The following PRRC2B variants were observed in gnomAD, a reference collection of about 807,000 sequenced individuals.
PRRC2B encodes protein PRRC2B.
Under a neutral mutation model 242.3 loss-of-function variants are expected in PRRC2B, and 68 were observed. That is an observed-to-expected ratio of 0.28 (90% CI 0.23 to 0.34). PRRC2B has a LOEUF of 0.34. PRRC2B is among the 10% of genes least tolerant of loss of function. The pLI is 1.00. For synonymous variants in PRRC2B, 1,228 were observed against 1,173.6 expected (o/e 1.05, Z -0.95); for missense variants, 2,835 against 2,954.8 (o/e 0.96, Z 0.94).
At position 131,448,543 on chromosome 9, in the gene PRRC2B, C is replaced by CAAAAA. The variant is rs754661321; in HGVS notation, c.1120+762_1120+766dup. ...TGGGCGACAGAGGGAGACACTGTCT[C>CAAAAA]AAAAAAAAAAAAAAAAAAAAAAAAA... is the stretch of plus-strand genomic sequence containing the variant. On this transcript the variant is annotated intron_variant, in intron 9 of 31. Transcript: ENST00000683519. Among the ~76,000 whole-genome samples, 250 of 39,884 alleles carry CAAAAA rather than the reference C, an allele frequency of 6.3e-3. 61 individuals are homozygous for CAAAAA. The highest frequency in any genetic ancestry group is 0.011 in the South Asian group (10 of 930). 26.2% of individuals were successfully genotyped at this position (39,884 alleles called of 152,430 possible). A position where few individuals can be genotyped will look rare whatever the true frequency, so the allele number is the denominator to read the frequency against.
intron 1 of PRRC2B, among the ~76,000 whole-genome samples, chr9:131,420,593 G>A (rs1422468085): frequency 6.8e-6 from 1 of 146,000 alleles, no homozygotes; most frequent in African/African-American, 2.5e-5. Context: ...TTGGGTTCAA[G>A]TGAGTCCTGT....
At chr9:131,411,237 A>C (rs1837497607) in intron 1 of PRRC2B, among the ~76,000 whole-genome samples, 1 of 151,830 alleles carries the variant, frequency 6.6e-6, no homozygotes, top group South Asian at 2.1e-4. Context: ...AGCCTGGGTG[A>C]CAGAGCGAGA....
intron 19 of PRRC2B, among the ~76,000 whole-genome samples, chr9:131,480,963 G>A (rs553228688): frequency 6.6e-5 from 10 of 151,766 alleles, no homozygotes; most frequent in Admixed American, 6.6e-4. Context: ...TTGAGATCAG[G>A]AGTTCAAGAC....
In PRRC2B at chr9:131,453,797, G is replaced by A. The variant is rs148568689; in HGVS notation, c.1121-1279G>A. On this transcript the variant is annotated intron_variant, in intron 9 of 31. Transcript: ENST00000683519. ...TCCTCCTGCCTTGACCTCCCAAAGC[G>A]CTGGGATTACAGGCGTGAGCCACTG... Among the ~76,000 whole-genome samples, 1,212 of 152,246 alleles carry A rather than the reference G, an allele frequency of 8.0e-3. 17 individuals carry two copies. The highest frequency in any genetic ancestry group is 0.012 in the Non-Finnish European group (812 of 68,028).
At chr9:131,447,316 A>G in intron 8 of PRRC2B, 110 bp downstream of exon 8, 1 of 1,376,296 alleles carries the variant, frequency 7.3e-7, no homozygotes, top group African/African-American at 1.4e-5. Context: ...GACCACAGAG[A>G]ACTTAACCAG....
chr9:131,443,209 C>G (rs1377253994), intron 5 of PRRC2B, among the ~76,000 whole-genome samples: 2 of 151,592 alleles, frequency 1.3e-5, no homozygotes, highest in Non-Finnish European at 2.9e-5. Flanking sequence ...TCTCGGCTCA[C>G]TGCAAGCTCC....
chr9:131,428,959 G>A (rs941735685), intron 1 of PRRC2B, among the ~76,000 whole-genome samples: 3 of 152,148 alleles, frequency 2.0e-5, no homozygotes, highest in African/African-American at 7.2e-5. Flanking sequence ...ATTTGTTTTT[G>A]TTGTGTTTTT....
intron 1 of PRRC2B, among the ~76,000 whole-genome samples, chr9:131,407,338 A>C (rs1837392887): frequency 6.6e-6 from 1 of 151,860 alleles, no homozygotes; most frequent in South Asian, 2.1e-4. Flanking sequence ...GAGAGTTGTG[A>C]GTATAGAGTT....
rs71503103 is a variant in PRRC2B at position 131,448,644 on chromosome 9, C to T, written c.1120+840C>T. ...TGTTTGCAGGGTCCATCATGGTGAG[C>T]TGCAGCCTCAAACTCTTCCTCCTTC... is the stretch of plus-strand genomic sequence containing the variant. On this transcript the variant is annotated intron_variant, in intron 9 of 31. Coordinates refer to ENST00000683519, the MANE Select transcript of PRRC2B (RefSeq NM_013318.4). 5.7e-3 allele frequency among the ~76,000 whole-genome samples: 858 copies of T among 149,260 alleles called. 6 individuals are homozygous for T. Among genetic ancestry groups the T allele is most frequent in the Middle Eastern group, 0.01 (3 of 286 alleles).
intron 1 of PRRC2B, among the ~76,000 whole-genome samples, chr9:131,423,368 G>A (rs1382080055): frequency 5.3e-5 from 8 of 152,208 alleles, no homozygotes; most frequent in Admixed American, 4.6e-4. Context: ...GGATAGGCTA[G>A]TTTAGCTTGG....
chr9:131,444,048 G>C (rs1054259645), intron 5 of PRRC2B, 137 bp from the exon 6 acceptor site: 1 of 956,342 alleles, frequency 1.0e-6, no homozygotes, highest in Non-Finnish European at 1.6e-6. Flanking sequence ...GCATCTGCCA[G>C]CACAGAGCAC....
chr9:131,489,493 G>A (rs1452126821), intron 28 of PRRC2B, among the ~76,000 whole-genome samples: 1 of 152,036 alleles, frequency 6.6e-6, no homozygotes. Context: ...TGCCACCCAT[G>A]TTTTTGTCAT....
rs1274417029 is a variant in PRRC2B, at chr9:131,487,249, C to G, written c.5939C>G (p.Pro1980Arg). ...QAQLGLRGGL[P>R]VSQSQEIFSS... The stretch of plus-strand genomic sequence containing the variant: ...CAGCTTGGACTGAGGGGTGGGCTTC[C>G]TGTGTCCCAGTCCCAGGAGATCTTC... Residue 1980 changes from proline to arginine, a missense_variant, in exon 27 of 32, where the codon CCT becomes CGT. Physicochemically the swap from Pro to Arg is moderately radical, Grantham distance 103. Coordinates refer to ENST00000683519, the MANE Select transcript of PRRC2B (RefSeq NM_013318.4). The surrounding 1 kb of genome is among the most constrained non-coding windows in gnomAD (Gnocchi z 5.3). 1.2e-6 allele frequency: 2 copies of G among 1,613,094 alleles called. No individual in the cohort carries two copies. Among genetic ancestry groups the G allele is most frequent in the African/African-American group, 1.3e-5 (1 of 74,920 alleles).
intron 13 of PRRC2B, among the ~76,000 whole-genome samples, chr9:131,470,587 C>T (rs180919390): frequency 1.3e-5 from 2 of 152,248 alleles, no homozygotes; most frequent in South Asian, 4.2e-4. Context: ...GTCCACCAGC[C>T]TTGGACAGGG....
At position 131,487,303 on chromosome 9, in the gene PRRC2B, A is replaced by G; in HGVS notation, c.5984+9A>G. On this transcript the variant is annotated intron_variant, in intron 27 of 31. Transcript: ENST00000683519. This position sits in a 1 kb window ranked among gnomAD's most constrained non-coding sequence, Gnocchi z 5.3. Reference sequence around the variant, plus strand: ...TCCTTGCAGCCCTTCAGGTGAGCTCATGTACCAGCTTGCGGAGCTGGCAGC... The same window carrying G: ...TCCTTGCAGCCCTTCAGGTGAGCTCGTGTACCAGCTTGCGGAGCTGGCAGC... 1.3e-6 allele frequency: 2 copies of G among 1,568,972 alleles called. No homozygotes were observed. The highest frequency in any genetic ancestry group is 1.7e-6 in the Non-Finnish European group (2 of 1,150,924).
At chr9:131,388,761 C>CTCGA (rs1182203624) in intron 1 of PRRC2B, among the ~76,000 whole-genome samples, 3 of 149,558 alleles carry the variant, frequency 2.0e-5, no homozygotes, top group Non-Finnish European at 4.4e-5. Flanking sequence ...CCAGGATGGT[C>CTCGA]TCGATCTCTT....
At chr9:131,399,921 C>G (rs1191305522) in intron 1 of PRRC2B, among the ~76,000 whole-genome samples, 3 of 152,136 alleles carry the variant, frequency 2.0e-5, no homozygotes, top group African/African-American at 7.2e-5. Flanking sequence ...TAGGGAGCAT[C>G]TCGGCATGTT....
chr9:131,475,697 G>A lies in PRRC2B; in HGVS notation c.3568G>A (p.Gly1190Ser), dbSNP rs200684547. The A allele has an allele frequency of 4.7e-5, 76 of 1,612,826 alleles. No individual in the cohort carries two copies. The African/African-American group carries it at 8.0e-4, about 17-fold the overall frequency. The change falls in exon 16 of 32, where the codon GGT becomes AGT. Residue 1190 changes from glycine to serine, a missense_variant. By Grantham distance (56) the Gly-to-Ser change is moderately conservative (BLOSUM62 0). Coordinates refer to ENST00000683519, the MANE Select transcript of PRRC2B (RefSeq NM_013318.4). ...CAAGGGGTGCTCTGAGGACCACAGC[G>A]GTCTAGATGCCAAGAGCCGAGGCCC... is the stretch of plus-strand genomic sequence containing the variant. ...SNKGCSEDHS[G>S]LDAKSRGPRA...
intron 1 of PRRC2B, among the ~76,000 whole-genome samples, chr9:131,427,343 GT>G (rs1392414097): frequency 2.0e-5 from 3 of 151,416 alleles, no homozygotes; most frequent in South Asian, 2.1e-4. Context: ...GTGTGTGTGT[GT>G]TTTTTTGATG....
Sources: allele counts gnomAD v4.1 joint callset (sites outside exome capture counted in the v4.1 genomes callset), GRCh38; gene constraint gnomAD v4.1.1; non-coding constraint Gnocchi (gnomAD v3.1); transcripts MANE v1.5; gene names NCBI Gene and HGNC (gene_info 2026-07-23, HGNC 2026-07-21).